Variants in OSBPL1A observed in about 807,000 individuals in gnomAD.
The protein encoded by OSBPL1A is oxysterol-binding protein-related protein 1.
A neutral mutation model predicts 137.1 loss-of-function variants in OSBPL1A; 80 were observed. That is an observed-to-expected ratio of 0.58 (90% CI 0.49 to 0.70). OSBPL1A has a LOEUF of 0.70. OSBPL1A is among the 30% of genes least tolerant of loss of function. The pLI is 0.00. For synonymous variants in OSBPL1A, 365 were observed against 389.7 expected, an observed-to-expected ratio of 0.94 and a Z score of 0.75; for missense variants, 970 against 1,129.4, an observed-to-expected ratio of 0.86 and a Z score of 2.02.
intron 14 of OSBPL1A, among the ~76,000 whole-genome samples, chr18:24,285,621 C>T (rs1283809639): frequency 2.0e-5 from 3 of 152,014 alleles, no homozygotes; most frequent in Non-Finnish European, 4.4e-5. Context: ...CCATCCTTAC[C>T]CTTCTGGTAA....
chr18:24,352,297 G>A (rs576556196), intron 4 of OSBPL1A, among the ~76,000 whole-genome samples: 2 of 152,126 alleles, frequency 1.3e-5, no homozygotes, highest in African/African-American at 4.8e-5. Flanking sequence ...GTGAGACCCT[G>A]TCTCAAAAAC....
Position 24,324,484 on chromosome 18 carries a change from T to A in OSBPL1A, c.626-5675A>T, listed in dbSNP as rs1426487608. ...AAAAAAAAAAAAAAAAAAAAAAAAA[T>A]TATATCAAATAGATAAACTACATGC... On this transcript the variant is annotated intron_variant, in intron 7 of 27. Transcript: ENST00000319481. Among the ~76,000 whole-genome samples, 9 of 54,890 alleles carry A rather than the reference T, an allele frequency of 1.6e-4. 1 individual carries two copies. The highest frequency in any genetic ancestry group is 4.5e-4 in the South Asian group (1 of 2,230). The allele number at this position is 54,890 out of a possible 152,430, so 36.0% of individuals were successfully genotyped here.
intron 22 of OSBPL1A, 127 bp from the exon 23 acceptor site, chr18:24,171,625 C>T (rs570252749): frequency 8.4e-4 from 590 of 698,738 alleles, no homozygotes; most frequent in Non-Finnish European, 1.2e-3. Context: ...AGGCTCCATA[C>T]TAAAGTGATA....
chr18:24,318,558 T>G, intron 9 of OSBPL1A, 43 bp downstream of exon 9: 1 of 1,505,300 alleles, frequency 6.6e-7, no homozygotes, highest in Non-Finnish European at 9.1e-7. Context: ...CACCTGAGAA[T>G]TATTCTTTAC....
At chr18:24,316,115 A>T (rs2090731010) in intron 11 of OSBPL1A, among the ~76,000 whole-genome samples, 1 of 151,456 alleles carries the variant, frequency 6.6e-6, no homozygotes, top group Non-Finnish European at 1.5e-5. Context: ...CACAAAAATT[A>T]GCCGGGCATG....
At chr18:24,387,078 A>T (rs1484811874) in intron 1 of OSBPL1A, among the ~76,000 whole-genome samples, 1 of 152,096 alleles carries the variant, frequency 6.6e-6, no homozygotes, top group Non-Finnish European at 1.5e-5. Flanking sequence ...TTTGAAATAC[A>T]TATATAGATA....
intron 15 of OSBPL1A, among the ~76,000 whole-genome samples, chr18:24,251,287 T>G (rs1399485496): frequency 1.3e-5 from 2 of 152,128 alleles, no homozygotes; most frequent in African/African-American, 4.8e-5. Flanking sequence ...AGGTAGTGGT[T>G]ACAGTGGGCC....
chr18:24,196,282 A>C, intron 17 of OSBPL1A, 82 bp from the exon 18 acceptor site: 3 of 926,964 alleles, frequency 3.2e-6, no homozygotes, highest in Non-Finnish European at 5.1e-6. Flanking sequence ...TTCACATGAG[A>C]GCTGCAGGCA....
At chr18:24,258,042 T>A (rs747004032) in intron 15 of OSBPL1A, among the ~76,000 whole-genome samples, 1 of 152,126 alleles carries the variant, frequency 6.6e-6, no homozygotes, top group Non-Finnish European at 1.5e-5. Context: ...GCAACCACTA[T>A]GAAGAACAGT....
At chr18:24,378,986 A>G (rs1428590189) in intron 1 of OSBPL1A, among the ~76,000 whole-genome samples, 1 of 152,246 alleles carries the variant, frequency 6.6e-6, no homozygotes, top group Non-Finnish European at 1.5e-5. Flanking sequence ...AACAGGGAAG[A>G]AAAGCAACCT....
At chr18:24,242,228 C>T (rs1599551205) in intron 15 of OSBPL1A, among the ~76,000 whole-genome samples, 1 of 150,702 alleles carries the variant, frequency 6.6e-6, no homozygotes, top group South Asian at 2.1e-4. Context: ...TATACCATGG[C>T]ACATATATAT....
intron 26 of OSBPL1A, among the ~76,000 whole-genome samples, chr18:24,165,761 C>T (rs2086131504): frequency 6.6e-6 from 1 of 152,100 alleles, no homozygotes; most frequent in Non-Finnish European, 1.5e-5. Flanking sequence ...GAAAAATGCC[C>T]CCCTTTTGAG....
intron 19 of OSBPL1A, 59 bp downstream of exon 19, chr18:24,181,085 CG>C (rs1285444033): frequency 1.3e-6 from 2 of 1,554,238 alleles, no homozygotes; most frequent in African/African-American, 2.7e-5. Flanking sequence ...TGTGTGTGTT[CG>C]GGGCTGGGTT....
At chr18:24,275,291 C>T (rs1191729903) in intron 15 of OSBPL1A, among the ~76,000 whole-genome samples, 2 of 151,950 alleles carry the variant, frequency 1.3e-5, no homozygotes, top group Non-Finnish European at 1.5e-5. Flanking sequence ...AGACAGATGC[C>T]TCCAGCAAAA....
chr18:24,352,217 G>A (rs1177432628), intron 4 of OSBPL1A, among the ~76,000 whole-genome samples: 5 of 152,068 alleles, frequency 3.3e-5, no homozygotes, highest in East Asian at 1.9e-4. Context: ...TCAGAGGATC[G>A]CTTGAGCCCG....
intron 5 of OSBPL1A, among the ~76,000 whole-genome samples, chr18:24,336,541 T>C (rs1053599201): frequency 7.2e-5 from 11 of 152,364 alleles, no homozygotes; most frequent in African/African-American, 2.4e-4. Context: ...CTAAAGGAGC[T>C]ATACATTCAT....
At chr18:24,329,246 T>C (rs1036085717) in intron 7 of OSBPL1A, among the ~76,000 whole-genome samples, 1 of 150,970 alleles carries the variant, frequency 6.6e-6, no homozygotes, top group African/African-American at 2.4e-5. Context: ...ACCCCATCTC[T>C]AAGGAGAAAA....
chr18:24,309,818 G>A (rs557145297), intron 13 of OSBPL1A, among the ~76,000 whole-genome samples: 32 of 152,116 alleles, frequency 2.1e-4, no homozygotes, highest in African/African-American at 7.5e-4. Flanking sequence ...AGGCGGAAGC[G>A]GGAGGATCAC....
At chr18:24,306,528 A>G (rs901790360) in intron 13 of OSBPL1A, among the ~76,000 whole-genome samples, 2 of 152,158 alleles carry the variant, frequency 1.3e-5, no homozygotes, top group Non-Finnish European at 2.9e-5. Flanking sequence ...GAAAAAAGAC[A>G]CCTAAGAGCA....
Sources: gnomAD v4.1 joint callset for allele counts (sites outside exome capture counted in the v4.1 genomes callset) on GRCh38, gnomAD v4.1.1 for gene constraint, MANE v1.5 for transcripts, NCBI Gene and HGNC (gene_info 2026-07-23, HGNC 2026-07-21) for gene names.